Variants in ADGRL3 observed in about 807,000 individuals in gnomAD.
ADGRL3 encodes adhesion G protein-coupled receptor L3.
A neutral mutation model predicts 153.5 loss-of-function variants in ADGRL3; 62 were observed. That is an observed-to-expected ratio of 0.40 (90% CI 0.33 to 0.50). ADGRL3 has a LOEUF of 0.50. Ranked by LOEUF, ADGRL3 falls within the 20% of genes least tolerant of loss-of-function variation. The probability of loss-of-function intolerance (pLI) is 0.47; values close to 1 mark genes in which losing one functional copy is unlikely to be tolerated. For synonymous variants in ADGRL3, 710 were observed against 672.5 expected (o/e 1.06, Z -0.86); for missense variants, 1,641 against 1,859.4 (o/e 0.88, Z 2.16).
At chr4:61,211,875 T>C (rs1325930559) in intron 1 of ADGRL3, 2 of 152,192 alleles carry the variant, frequency 1.3e-5, no homozygotes, top group African/African-American at 2.4e-5. Flanking sequence ...ACAATGACAA[T>C]GTACAATGCC....
At chr4:62,052,969 A>T (rs1735002803) in intron 25 of ADGRL3, among the ~76,000 whole-genome samples, 1 of 151,496 alleles carries the variant, frequency 6.6e-6, no homozygotes, top group Non-Finnish European at 1.5e-5. Flanking sequence ...AACAAAAACT[A>T]TGATATGTTT....
chr4:61,396,980 G>A (rs2152075032), intron 2 of ADGRL3, among the ~76,000 whole-genome samples: 1 of 150,360 alleles, frequency 6.7e-6, no homozygotes, highest in South Asian at 2.1e-4. Flanking sequence ...TATTCCTGCT[G>A]AATGAGACTT....
intron 9 of ADGRL3, among the ~76,000 whole-genome samples, chr4:61,837,620 G>C (rs747366179): frequency 6.6e-6 from 1 of 152,076 alleles, no homozygotes; most frequent in Non-Finnish European, 1.5e-5. Context: ...GTCTCACCCT[G>C]AAATGGGAAT....
intron 3 of ADGRL3, among the ~76,000 whole-genome samples, chr4:61,506,463 T>C (rs1354053987): frequency 6.6e-6 from 1 of 152,100 alleles, no homozygotes; most frequent in East Asian, 1.9e-4. Context: ...ATCCCATCAT[T>C]ATATTTAGGA....
intron 4 of ADGRL3, among the ~76,000 whole-genome samples, chr4:61,585,589 A>G (rs1284536596): frequency 6.6e-6 from 1 of 152,046 alleles, no homozygotes; most frequent in African/African-American, 2.4e-5. Flanking sequence ...ATAAATGCAA[A>G]TTTAAGCTAT....
chr4:61,982,863 A>G (rs1210793020), intron 18 of ADGRL3, among the ~76,000 whole-genome samples: 1 of 152,192 alleles, frequency 6.6e-6, no homozygotes, highest in African/African-American at 2.4e-5. Flanking sequence ...ACAAACAATT[A>G]CTAATAATTA....
intron 1 of ADGRL3, among the ~76,000 whole-genome samples, chr4:61,288,984 G>A (rs2094057817): frequency 6.6e-6 from 1 of 151,792 alleles, no homozygotes; most frequent in South Asian, 2.1e-4. Flanking sequence ...AATTAATAAT[G>A]TAAAATTTAA....
intron 21 of ADGRL3, among the ~76,000 whole-genome samples, chr4:62,022,552 G>T (rs1423700719): frequency 6.6e-6 from 1 of 152,136 alleles, no homozygotes; most frequent in African/African-American, 2.4e-5. Context: ...AGAAGTCAAT[G>T]TCTGGCTTCA....
intron 2 of ADGRL3, among the ~76,000 whole-genome samples, chr4:61,441,531 TTTC>T (rs1482536192): frequency 1.3e-5 from 2 of 151,692 alleles, no homozygotes; most frequent in African/African-American, 2.4e-5. Context: ...TTTTTTTTTT[TTTC>T]CTCCAGACGG....
At chr4:61,973,829 G>T (rs1167297446) in intron 17 of ADGRL3, among the ~76,000 whole-genome samples, 1 of 152,066 alleles carries the variant, frequency 6.6e-6, no homozygotes, top group Non-Finnish European at 1.5e-5. Flanking sequence ...TTAAGGAAAA[G>T]TATACAAATG....
At chr4:61,719,679 G>T (rs1162087397) in intron 6 of ADGRL3, among the ~76,000 whole-genome samples, 1 of 147,682 alleles carries the variant, frequency 6.8e-6, no homozygotes, top group Non-Finnish European at 1.5e-5. Flanking sequence ...TTGGCTCACT[G>T]CAACCTCCGC....
chr4:61,262,518 C>T (rs764522743), intron 1 of ADGRL3, among the ~76,000 whole-genome samples: 4 of 152,060 alleles, frequency 2.6e-5, no homozygotes, highest in Non-Finnish European at 1.5e-5. Flanking sequence ...ACTGTATTAG[C>T]ATTCGTCATT....
chr4:61,589,596 AAG>A (rs1415035847), intron 5 of ADGRL3, among the ~76,000 whole-genome samples: 1 of 152,056 alleles, frequency 6.6e-6, no homozygotes, highest in Non-Finnish European at 1.5e-5. Context: ...AACTTCTAGA[AAG>A]AGACTATATC....
At chr4:61,808,792 CTTT>C (rs79256517) in intron 8 of ADGRL3, among the ~76,000 whole-genome samples, 3 of 128,846 alleles carry the variant, frequency 2.3e-5, no homozygotes, top group Admixed American at 7.8e-5. Context: ...AGAAATCGGG[CTTT>C]TTTTTTTTTT....
intron 6 of ADGRL3, among the ~76,000 whole-genome samples, chr4:61,715,947 TAA>T (rs59481591): frequency 0.026 from 2,240 of 85,348 alleles, 57 homozygotes; most frequent in African/African-American, 0.077. Context: ...GCCCTTAAAG[TAA>T]AAAAAAAAAA....
intron 21 of ADGRL3, among the ~76,000 whole-genome samples, chr4:62,003,518 A>T (rs2099147610): frequency 6.6e-6 from 1 of 152,144 alleles, no homozygotes; most frequent in Non-Finnish European, 1.5e-5. Flanking sequence ...TCTTCTCTGA[A>T]TGGGGAATAA....
intron 1 of ADGRL3, among the ~76,000 whole-genome samples, chr4:61,210,630 G>A (rs993754873): frequency 1.3e-5 from 2 of 152,048 alleles, no homozygotes; most frequent in Non-Finnish European, 2.9e-5. Context: ...TCATCTTTTT[G>A]TATGAGATTT....
chr4:61,909,410 A>G, intron 11 of ADGRL3, 150 bp from the exon 12 acceptor site: 1 of 568,868 alleles, frequency 1.8e-6, no homozygotes. Context: ...CGCAGGAAAA[A>G]TTGGGGAGTG....
chr4:61,807,327 T>C (rs1403897172), intron 8 of ADGRL3, among the ~76,000 whole-genome samples: 1 of 28,850 alleles, frequency 3.5e-5, no homozygotes, highest in Non-Finnish European at 6.4e-5. Flanking sequence ...TGCTCTAATT[T>C]TTTTTAACTT....
Sources: gnomAD v4.1 joint callset for allele counts (sites outside exome capture counted in the v4.1 genomes callset) on GRCh38, gnomAD v4.1.1 for gene constraint, MANE v1.5 for transcripts, NCBI Gene and HGNC (gene_info 2026-07-23, HGNC 2026-07-21) for gene names.